Variants in LSAMP observed in about 807,000 individuals in gnomAD.
The protein encoded by LSAMP is limbic system associated membrane protein, also known as limbic system-associated membrane protein.
In LSAMP, 7 loss-of-function variants were observed where a neutral mutation model predicts 38.6. The ratio of observed to expected loss-of-function variants is 0.18; its 90% CI spans 0.10 to 0.34. The LOEUF (loss-of-function observed/expected upper bound fraction) is 0.34. Ranked by LOEUF, LSAMP falls within the 10% of genes least tolerant of loss-of-function variation. The pLI is 1.00. For synonymous variants in LSAMP, 154 were observed against 166.8 expected, an observed-to-expected ratio of 0.92 and a Z score of 0.59; for missense variants, 313 against 420.0, an observed-to-expected ratio of 0.75 and a Z score of 2.23.
intron 1 of LSAMP, among the ~76,000 whole-genome samples, chr3:116,305,850 C>T (rs1209735414): frequency 1.3e-5 from 2 of 151,682 alleles, no homozygotes; most frequent in Non-Finnish European, 2.9e-5. Flanking sequence ...TAAGAAACTT[C>T]TCTCATTCCC....
chr3:116,422,248 T>C (rs778604882), intron 1 of LSAMP, among the ~76,000 whole-genome samples: 10 of 152,230 alleles, frequency 6.6e-5, no homozygotes, highest in Non-Finnish European at 4.4e-5. Flanking sequence ...TAGCCCTTCA[T>C]AGCTGTGGGT....
chr3:115,998,558 C>T (rs779499558), intron 3 of LSAMP, among the ~76,000 whole-genome samples: 2 of 152,132 alleles, frequency 1.3e-5, no homozygotes, highest in African/African-American at 2.4e-5. Context: ...GTCCTTGACC[C>T]AGAAGTGCTG....
intron 1 of LSAMP, among the ~76,000 whole-genome samples, chr3:116,315,466 G>A (rs1347492306): frequency 6.6e-6 from 1 of 152,068 alleles, no homozygotes; most frequent in African/African-American, 2.4e-5. Context: ...GAAAAAAAAA[G>A]CTGTTAAACT....
chr3:116,227,737 T>C (rs2046358180), intron 1 of LSAMP, among the ~76,000 whole-genome samples: 1 of 152,122 alleles, frequency 6.6e-6, no homozygotes, highest in Admixed American at 6.5e-5. Context: ...GAAGAGATAT[T>C]CCTATTTGGA....
intron 1 of LSAMP, among the ~76,000 whole-genome samples, chr3:116,342,228 C>G (rs1484162809): frequency 6.6e-6 from 1 of 152,006 alleles, no homozygotes; most frequent in Admixed American, 6.6e-5. Flanking sequence ...TTACTGGGAA[C>G]AATTGCATTT....
At chr3:116,350,986 C>T (rs937401284) in intron 1 of LSAMP, among the ~76,000 whole-genome samples, 5 of 152,020 alleles carry the variant, frequency 3.3e-5, no homozygotes, top group East Asian at 1.9e-4. Context: ...GGTCTTGAAA[C>T]ATTTCTTCCA....
At chr3:115,967,669 C>T (rs1248606780) in intron 3 of LSAMP, among the ~76,000 whole-genome samples, 1 of 152,128 alleles carries the variant, frequency 6.6e-6, no homozygotes, top group Non-Finnish European at 1.5e-5. Flanking sequence ...CTGGGGAGGC[C>T]TCACAATCAT....
chr3:115,851,098 T>C lies in LSAMP; in HGVS notation c.649+1385A>G, dbSNP rs375881412. On this transcript the variant is annotated intron_variant, in intron 4 of 6. Coordinates refer to ENST00000490035, the MANE Select transcript of LSAMP (RefSeq NM_002338.5). ...AAGTGATTCTTCTGCCTCAGCCTCC[T>C]GAGTAACTGGGACTACAGGCACCCG... is the stretch of plus-strand genomic sequence containing the variant. Among the ~76,000 whole-genome samples, 33 of 152,168 alleles carry C rather than the reference T, an allele frequency of 2.2e-4. No homozygotes were observed. The East Asian group carries it at 6.0e-3, about 28-fold the overall frequency.
At chr3:115,889,828 C>G (rs1936550586) in intron 3 of LSAMP, among the ~76,000 whole-genome samples, 1 of 151,958 alleles carries the variant, frequency 6.6e-6, no homozygotes, top group African/African-American at 2.4e-5. Context: ...CGAATCCTGT[C>G]TGTGCTTCCA....
chr3:116,199,402 ACTTAGCC>A, intron 1 of LSAMP, among the ~76,000 whole-genome samples: 1 of 152,156 alleles, frequency 6.6e-6, no homozygotes, highest in Non-Finnish European at 1.5e-5. Flanking sequence ...CTAGTATTAT[ACTTAGCC>A]ACAATATTAT....
intron 3 of LSAMP, among the ~76,000 whole-genome samples, chr3:116,002,201 C>T (rs1455594577): frequency 1.3e-5 from 2 of 152,120 alleles, no homozygotes; most frequent in Admixed American, 6.6e-5. Flanking sequence ...GACAGGCTCC[C>T]CTGGCAATTG....
rs562316678 is a variant in LSAMP at position 116,067,693 on chromosome 3, T to C, written c.388+18631A>G. Among the ~76,000 whole-genome samples, 371 of 152,216 alleles carry C rather than the reference T, an allele frequency of 2.4e-3. 1 individual carries two copies. Among genetic ancestry groups the C allele is most frequent in the African/African-American group, 8.4e-3 (349 of 41,458 alleles). ...GTTAAAGAACATTATTTTAAGGTGA[T>C]GTAATAAGCTCCTGTAAAACTTGAT... On this transcript the variant is annotated intron_variant, in intron 2 of 6. Transcript: ENST00000490035.
rs182321244 is a variant in LSAMP, at chr3:116,243,114, T to C, written c.156-156558A>G. 2.6e-5 allele frequency among the ~76,000 whole-genome samples: 4 copies of C among 152,300 alleles called. No individual in the cohort carries two copies. The East Asian group carries it at 7.7e-4, about 29-fold the overall frequency. ...TCTCTAGTTAGAAAGACAGAGAAGA[T>C]GATATTACTTGAACCCAGGGGCAAA... is the stretch of plus-strand genomic sequence containing the variant. On this transcript the variant is annotated intron_variant, in intron 1 of 6. Transcript: ENST00000490035.
chr3:116,178,096 CGTGTGTGTGT>C (rs10662261), intron 1 of LSAMP, among the ~76,000 whole-genome samples: 32,006 of 150,086 alleles, frequency 0.21, 3,438 homozygotes, highest in Admixed American at 0.25. Context: ...GTCTTGTGTA[CGTGTGTGTGT>C]GTGTGTGTGT....
At chr3:115,922,792 T>A (rs922072008) in intron 3 of LSAMP, among the ~76,000 whole-genome samples, 25 of 152,196 alleles carry the variant, frequency 1.6e-4, no homozygotes, top group African/African-American at 5.8e-4. Flanking sequence ...TGAGTTTAAT[T>A]TCTCATGTGA....
chr3:115,933,127 T>G (rs1937608420), intron 3 of LSAMP, among the ~76,000 whole-genome samples: 1 of 152,138 alleles, frequency 6.6e-6, no homozygotes, highest in Non-Finnish European at 1.5e-5. Context: ...ACTCGACAAG[T>G]ATGGAGAGAC....
intron 1 of LSAMP, among the ~76,000 whole-genome samples, chr3:116,188,404 TG>T (rs1192381428): frequency 6.6e-6 from 1 of 152,198 alleles, no homozygotes; most frequent in African/African-American, 2.4e-5. Flanking sequence ...GCATGTTTCC[TG>T]ACAGAAGCCC....
intron 1 of LSAMP, among the ~76,000 whole-genome samples, chr3:116,160,903 T>C (rs991581365): frequency 2.0e-5 from 3 of 152,154 alleles, no homozygotes; most frequent in Non-Finnish European, 4.4e-5. Context: ...GAAGGAGCAA[T>C]TCTACACACT....
At chr3:116,225,219 T>C (rs1420157624) in intron 1 of LSAMP, among the ~76,000 whole-genome samples, 4 of 152,170 alleles carry the variant, frequency 2.6e-5, no homozygotes, top group Non-Finnish European at 5.9e-5. Context: ...GACGAGATCA[T>C]CTTGGTTTTA....
Sources: gnomAD v4.1 joint callset for allele counts (sites outside exome capture counted in the v4.1 genomes callset) on GRCh38, gnomAD v4.1.1 for gene constraint, MANE v1.5 for transcripts, NCBI Gene and HGNC (gene_info 2026-07-23, HGNC 2026-07-21) for gene names.